Variants in AGAP3 observed in about 807,000 individuals in gnomAD.
The protein encoded by AGAP3 is arf-GAP with GTPase, ANK repeat and PH domain-containing protein 3.
Under a neutral mutation model 96.9 loss-of-function variants are expected in AGAP3, and 24 were observed. That is an observed-to-expected ratio of 0.25 (90% confidence interval 0.18 to 0.35). The LOEUF is 0.35. Among genes scored for constraint, AGAP3 ranks in the 10% least tolerant of loss-of-function variants. The probability of loss-of-function intolerance (pLI) is 1.00; values close to 1 mark genes in which losing one functional copy is unlikely to be tolerated. For synonymous variants in AGAP3, 563 were observed against 536.1 expected (o/e 1.05, Z -0.69); for missense variants, 876 against 1,254.2 (o/e 0.70, Z 4.55).
Position 151,142,345 on chromosome 7 carries a change from TC to T in AGAP3, c.2051-64del. 1 of 1,592,900 alleles carries T rather than the reference TC, an allele frequency of 6.3e-7. No individual in the cohort carries two copies. ...AGCAGGGAAGAGGGCAGGGAAGCCT[TC>T]CCTAGTTGTCCCGCGCTCTGGTGGC... On this transcript the variant is annotated intron_variant, in intron 15 of 17. Transcript: ENST00000397238. This position sits in a 1 kb window ranked among gnomAD's most constrained non-coding sequence, Gnocchi z 7.5.
At chr7:151,131,465 C>T (rs960522344) in intron 10 of AGAP3, among the ~76,000 whole-genome samples, 1 of 152,152 alleles carries the variant, frequency 6.6e-6, no homozygotes, top group Non-Finnish European at 1.5e-5. Context: ...TAAAGGCAGC[C>T]GTGGTGACCG....
Position 151,142,202 on chromosome 7 carries a change from GCCGTCCGCA to G in AGAP3, c.2008_2016del (p.Thr670_Arg672del). ...CCAGAACGCAGCTCTGGCTGTGCAG[GCCGTCCGCA>G]CCGTCCGCGGCAACAGCTTTTGTAT... is the stretch of plus-strand genomic sequence containing the variant. On this transcript the variant is annotated inframe_deletion, in exon 15 of 18. Transcript: ENST00000397238. This position sits in a 1 kb window ranked among gnomAD's most constrained non-coding sequence, Gnocchi z 7.5. 1.9e-6 allele frequency: 3 copies of G among 1,613,718 alleles called. No individual in the cohort carries two copies. The highest frequency in any genetic ancestry group is 2.5e-6 in the Non-Finnish European group (3 of 1,180,010).
chr7:151,123,723 C>A, intron 8 of AGAP3, 71 bp from the exon 9 acceptor site: 2 of 1,592,428 alleles, frequency 1.3e-6, no homozygotes, highest in Non-Finnish European at 1.7e-6. Flanking sequence ...GGAGGGAGGC[C>A]GGGAAGTCCA....
chr7:151,133,817 C>T lies in AGAP3; in HGVS notation c.1327-583C>T, dbSNP rs111294092. On this transcript the variant is annotated intron_variant, in intron 10 of 17. Transcript: ENST00000397238. The surrounding 1 kb of genome is among the most constrained non-coding windows in gnomAD (Gnocchi z 5.4). ...ACATGACGGCGATGACGATGACTGC[C>T]GCCAGGGAATTGGTGGTACCTGTGA... Among the ~76,000 whole-genome samples the T allele has an allele frequency of 1.8e-3, 278 of 152,268 alleles. No individual in the cohort carries two copies. Among genetic ancestry groups the T allele is most frequent in the Non-Finnish European group, 3.4e-3 (233 of 68,010 alleles).
At chr7:151,087,529 C>T (rs1258595878) in intron 1 of AGAP3, among the ~76,000 whole-genome samples, 2 of 152,072 alleles carry the variant, frequency 1.3e-5, no homozygotes, top group African/African-American at 2.4e-5. Flanking sequence ...GAGGGTGGCG[C>T]TCGCCGCGGC....
intron 8 of AGAP3, chr7:151,120,680 T>C: frequency 4.0e-6 from 5 of 1,264,392 alleles, no homozygotes; most frequent in Non-Finnish European, 5.1e-6. Context: ...CCGCTGTGAT[T>C]GGTTTAACAA....
At chr7:151,127,749 C>T (rs1800237332) in intron 9 of AGAP3, among the ~76,000 whole-genome samples, 1 of 152,224 alleles carries the variant, frequency 6.6e-6, no homozygotes, top group Non-Finnish European at 1.5e-5. Context: ...GAGTAGGTTT[C>T]TCCTGGGAAG....
chr7:151,132,666 A>G (rs1244273652), intron 10 of AGAP3, among the ~76,000 whole-genome samples: 1 of 152,184 alleles, frequency 6.6e-6, no homozygotes, highest in Non-Finnish European at 1.5e-5. Context: ...CCTTTCCACC[A>G]TTCCCCTGAT....
chr7:151,122,586 TCTCCTCCTC>T, intron 8 of AGAP3: 3 of 910,738 alleles, frequency 3.3e-6, no homozygotes, highest in South Asian at 3.3e-5. Context: ...TCCTCGTCCT[TCTCCTCCTC>T]CTCCTCCTCC....
intron 10 of AGAP3, chr7:151,131,160 T>A (rs1289417172): frequency 6.6e-6 from 1 of 152,120 alleles, no homozygotes; most frequent in Non-Finnish European, 1.5e-5. Context: ...AGAAGATGAG[T>A]TCGTGGGCCA....
chr7:151,089,285 C>T (rs1012583153), intron 1 of AGAP3, among the ~76,000 whole-genome samples: 2 of 152,364 alleles, frequency 1.3e-5, no homozygotes, highest in South Asian at 2.1e-4. Flanking sequence ...CTTCTTTCTG[C>T]GAGGAGGGAG....
In AGAP3 at chr7:151,143,963, G is replaced by A. The variant is rs773009727; in HGVS notation, c.*20G>A. On this transcript the variant is annotated 3_prime_UTR_variant, in exon 18 of 18. Coordinates refer to ENST00000397238, the MANE Select transcript of AGAP3 (RefSeq NM_031946.7). This position sits in a 1 kb window ranked among gnomAD's most constrained non-coding sequence, Gnocchi z 5.9. ...CTATAAGGCCCAGGAAGAGGGCAGA[G>A]GGGCCAGAAGGACTCCATGGCCCAA... is the stretch of plus-strand genomic sequence containing the variant. 1 of 1,607,048 alleles carries A rather than the reference G, an allele frequency of 6.2e-7. No individual in the cohort carries two copies. The highest frequency in any genetic ancestry group is 1.1e-5 in the South Asian group (1 of 90,834).
chr7:151,095,841 T>G (rs2150411966), intron 1 of AGAP3, among the ~76,000 whole-genome samples: 1 of 150,754 alleles, frequency 6.6e-6, no homozygotes, highest in East Asian at 2.0e-4. Context: ...CATTATTACT[T>G]CTAGATTGTT....
At chr7:151,130,389 C>G (rs910865636) in intron 10 of AGAP3, among the ~76,000 whole-genome samples, 2 of 152,126 alleles carry the variant, frequency 1.3e-5, no homozygotes, top group African/African-American at 4.8e-5. Flanking sequence ...TTCAGAGTCA[C>G]CCGGCTGGTG....
At chr7:151,111,693 G>C (rs373147064) in intron 1 of AGAP3, among the ~76,000 whole-genome samples, 206 of 152,308 alleles carry the variant, frequency 1.4e-3, no homozygotes, top group African/African-American at 4.6e-3. Flanking sequence ...TCCACAGAAG[G>C]GGGTCTTGAG....
At position 151,118,695 on chromosome 7, in the gene AGAP3, C is replaced by T. The variant is rs963809078; in HGVS notation, c.969+63C>T. On this transcript the variant is annotated intron_variant, in intron 7 of 17. Transcript: ENST00000397238. This position sits in a 1 kb window ranked among gnomAD's most constrained non-coding sequence, Gnocchi z 6.1. ...CCATGTCTGTCTTGCCTCTGTGCGT[C>T]CTGCCACTTCTGCTGGCCTCCTGCT... 3.2e-6 allele frequency: 5 copies of T among 1,579,148 alleles called. No individual in the cohort carries two copies. The highest frequency in any genetic ancestry group is 3.4e-5 in the Admixed American group (2 of 59,438).
rs752265359 is a variant in AGAP3 at position 151,143,564 on chromosome 7, G to A, written c.2497G>A (p.Ala833Thr). Residue 833 changes from alanine to threonine, a missense_variant, in exon 17 of 18, where the codon GCC becomes ACC. Ala to Thr is a moderately conservative substitution (Grantham distance 58). This residue lies in a region of AGAP3 where 213 missense variants were observed against 253.8 expected (regional missense o/e 0.84). Transcript: ENST00000397238. The surrounding 1 kb of genome is among the most constrained non-coding windows in gnomAD (Gnocchi z 5.9). ...GGCTCTACATCTCTCCAGTGCCATG[G>A]CCAACGTTGTCTTCACGCAGCTGCT... ...RTALHLSSAM[A>T]NVVFTQLLIW... 6.2e-7 allele frequency: 1 copy of A among 1,609,186 alleles called. No individual in the cohort carries two copies. Among genetic ancestry groups the A allele is most frequent in the South Asian group, 1.1e-5 (1 of 90,562 alleles).
intron 1 of AGAP3, among the ~76,000 whole-genome samples, chr7:151,113,207 T>C (rs181199520): frequency 1.4e-3 from 214 of 152,324 alleles, no homozygotes; most frequent in African/African-American, 5.0e-3. Context: ...GTTGGCCGGC[T>C]TCACTGAGTT....
chr7:151,132,229 T>C (rs755909117), intron 10 of AGAP3, among the ~76,000 whole-genome samples: 1 of 152,186 alleles, frequency 6.6e-6, no homozygotes, highest in Non-Finnish European at 1.5e-5. Flanking sequence ...CCCCAAGCTG[T>C]GGGCAGAGTC....
Sources: gnomAD v4.1 joint callset for allele counts (sites outside exome capture counted in the v4.1 genomes callset) on GRCh38, gnomAD v4.1.1 for gene constraint, gnomAD v4.1.1 regional missense constraint, Gnocchi (gnomAD v3.1) non-coding constraint, MANE v1.5 for transcripts, NCBI Gene and HGNC (gene_info 2026-07-23, HGNC 2026-07-21) for gene names.